The following RBM6 variants were observed in gnomAD, a reference collection of about 807,000 sequenced individuals.
RBM6 encodes the protein RNA-binding protein 6.
In RBM6, 23 loss-of-function variants were observed where a neutral mutation model predicts 140.4. That is an observed-to-expected ratio of 0.16 (90% confidence interval 0.12 to 0.23). The LOEUF is 0.23. RBM6 is among the 10% of genes least tolerant of loss of function. The pLI is 1.00. For missense variants in RBM6, 1,139 were observed against 1,386.7 expected (o/e 0.82, Z 2.84); for synonymous variants, 439 against 475.6 (o/e 0.92, Z 1.00).
Position 49,975,382 on chromosome 3 carries a change from G to C in RBM6, c.1473G>C (p.Glu491Asp). ...GMPVKNLQLK[E>D]YNTGYDYGYV... ...CTGTAAAGAACTTGCAGTTGAAGGAGTATAACACAGGTGAGTTTCTTGACT... is the reference window on the plus strand; with the variant it reads ...CTGTAAAGAACTTGCAGTTGAAGGACTATAACACAGGTGAGTTTCTTGACT... Residue 491 changes from glutamate to aspartate, a missense_variant, in exon 5 of 21, where the codon GAG becomes GAC. Transcript: ENST00000266022. 1 of 1,613,080 alleles carries C rather than the reference G, an allele frequency of 6.2e-7. No individual in the cohort carries two copies. Among genetic ancestry groups the C allele is most frequent in the Non-Finnish European group, 8.5e-7 (1 of 1,179,002 alleles).
chr3:50,019,415 C>T (rs976746252), intron 6 of RBM6, among the ~76,000 whole-genome samples: 6 of 152,058 alleles, frequency 3.9e-5, no homozygotes, highest in Admixed American at 3.9e-4. Flanking sequence ...CTTTTATGTC[C>T]TTTTCTTGGC....
intron 5 of RBM6, among the ~76,000 whole-genome samples, chr3:49,978,800 G>A (rs942866207): frequency 6.6e-6 from 1 of 152,144 alleles, no homozygotes; most frequent in African/African-American, 2.4e-5. Context: ...TTTTGGAATT[G>A]TAGATAAGAG....
chr3:50,035,677 G>A (rs756663166), intron 6 of RBM6, among the ~76,000 whole-genome samples: 3 of 151,278 alleles, frequency 2.0e-5, no homozygotes, highest in African/African-American at 4.9e-5. Context: ...GCCAGACTCC[G>A]TCTCAAAAAA....
At chr3:50,074,049 G>A (rs1479788239) in intron 19 of RBM6, among the ~76,000 whole-genome samples, 10 of 152,016 alleles carry the variant, frequency 6.6e-5, no homozygotes, top group African/African-American at 2.2e-4. Flanking sequence ...GGGTGGTCTC[G>A]AACTCCTGAC....
chr3:50,061,244 C>T lies in RBM6; in HGVS notation c.2353+23C>T, dbSNP rs761136229. The T allele has an allele frequency of 3.1e-6, 5 of 1,613,316 alleles. No individual in the cohort carries two copies. In the Admixed American group the frequency reaches 6.7e-5, roughly 22 times the overall value. ...AGTGTAAGTAACCTTTGTTTTATTT[C>T]TGTTGCTCTTTTTTGCTTGACTTGC... On this transcript the variant is annotated intron_variant, in intron 13 of 20. Transcript: ENST00000266022.
At chr3:49,961,983 C>T (rs1413805537) in intron 1 of RBM6, among the ~76,000 whole-genome samples, 1 of 150,870 alleles carries the variant, frequency 6.6e-6, no homozygotes, top group Admixed American at 6.6e-5. Context: ...CAGTGAAAAC[C>T]CGTCTCTACT....
chr3:49,960,770 G>A (rs935839387), intron 1 of RBM6, among the ~76,000 whole-genome samples: 1 of 152,176 alleles, frequency 6.6e-6, no homozygotes, highest in Non-Finnish European at 1.5e-5. Context: ...GATCAGGTCT[G>A]AGACAGTGGG....
At chr3:49,951,716 TA>T (rs2083739764) in intron 1 of RBM6, among the ~76,000 whole-genome samples, 2 of 147,354 alleles carry the variant, frequency 1.4e-5, no homozygotes, top group South Asian at 2.2e-4. Flanking sequence ...TTATTATTAT[TA>T]TTTTTTTGTT....
At chr3:49,963,567 T>A (rs2108621308) in intron 2 of RBM6, among the ~76,000 whole-genome samples, 1 of 152,338 alleles carries the variant, frequency 6.6e-6, no homozygotes, top group Non-Finnish European at 1.5e-5. Flanking sequence ...AGCTGTGCCT[T>A]GTCTGTGGCA....
rs1575744213 is a variant in RBM6, at chr3:50,030,285, T to TA, written c.1558-17960_1558-17959insA. ...GTGACAGAGTGAGACTCTTTTTGTC[T>TA]TAAAAAAAAAAAAAAAAAAAAAAAA... is the stretch of plus-strand genomic sequence containing the variant. On this transcript the variant is annotated intron_variant, in intron 6 of 20. Coordinates refer to ENST00000266022, the MANE Select transcript of RBM6 (RefSeq NM_005777.3). 6.2e-5 allele frequency among the ~76,000 whole-genome samples: 5 copies of TA among 81,282 alleles called. No individual in the cohort carries two copies. The East Asian group carries it at 2.4e-3, about 38-fold the overall frequency. 53.3% of individuals were successfully genotyped at this position (81,282 alleles called of 152,430 possible).
intron 6 of RBM6, among the ~76,000 whole-genome samples, chr3:50,019,708 G>T (rs912320418): frequency 6.6e-6 from 1 of 152,056 alleles, no homozygotes; most frequent in African/African-American, 2.4e-5. Flanking sequence ...TTAGTGGGAA[G>T]AAAGCATCTA....
At chr3:49,977,290 T>A (rs2085104403) in intron 5 of RBM6, among the ~76,000 whole-genome samples, 1 of 152,234 alleles carries the variant, frequency 6.6e-6, no homozygotes, top group South Asian at 2.1e-4. Context: ...ACTACTCTTC[T>A]CTCTGATCTT....
intron 17 of RBM6, among the ~76,000 whole-genome samples, chr3:50,068,402 G>T (rs990022391): frequency 6.6e-6 from 1 of 152,138 alleles, no homozygotes; most frequent in Non-Finnish European, 1.5e-5. Context: ...CTTCACTGGT[G>T]TGCCCACATC....
At chr3:49,963,424 A>T (rs1007159818) in intron 2 of RBM6, among the ~76,000 whole-genome samples, 2 of 152,096 alleles carry the variant, frequency 1.3e-5, no homozygotes, top group African/African-American at 4.8e-5. Flanking sequence ...ATATTAAAAA[A>T]TACCCAAATA....
chr3:50,076,497 G>A (rs1444192627), intron 20 of RBM6, among the ~76,000 whole-genome samples: 3 of 151,866 alleles, frequency 2.0e-5, no homozygotes, highest in Non-Finnish European at 4.4e-5. Flanking sequence ...CAGAAGAATC[G>A]CTTGTACCGG....
chr3:49,969,286 G>A (rs1273247786), intron 3 of RBM6, among the ~76,000 whole-genome samples: 1 of 146,368 alleles, frequency 6.8e-6, no homozygotes, highest in African/African-American at 2.5e-5. Flanking sequence ...GCCTCCCAAA[G>A]TGCTGGAATT....
In RBM6 at chr3:50,061,891, G is replaced by A. The variant is rs1167765814; in HGVS notation, c.2440-71G>A. 4.5e-6 allele frequency: 7 copies of A among 1,554,554 alleles called. No homozygotes were observed. The East Asian group carries it at 1.6e-4, about 35-fold the overall frequency. On this transcript the variant is annotated intron_variant, in intron 14 of 20. Transcript: ENST00000266022. Reference sequence around the variant, plus strand: ...GTTTCTTCCCCTAAAAGGGAACTGTGCGCCTTAGACCTGGAATTGCTGGGA... The same window carrying A: ...GTTTCTTCCCCTAAAAGGGAACTGTACGCCTTAGACCTGGAATTGCTGGGA...
chr3:49,944,484 T>G (rs868754360), intron 1 of RBM6, among the ~76,000 whole-genome samples: 35 of 151,228 alleles, frequency 2.3e-4, no homozygotes, highest in Admixed American at 4.6e-4. Context: ...CTTTTTTTTT[T>G]TTTTTTTTGT....
intron 1 of RBM6, chr3:49,940,932 A>G (rs1317784478): frequency 8.9e-6 from 1 of 112,772 alleles, no homozygotes; most frequent in Non-Finnish European, 1.7e-5. Flanking sequence ...CCTGTTTCGT[A>G]GGGTACATAA....
Sources: gnomAD v4.1 joint callset for allele counts (sites outside exome capture counted in the v4.1 genomes callset) on GRCh38, gnomAD v4.1.1 for gene constraint, MANE v1.5 for transcripts, NCBI Gene and HGNC (gene_info 2026-07-23, HGNC 2026-07-21) for gene names.